Variants in TMPRSS15 observed in about 807,000 individuals in gnomAD.
TMPRSS15 encodes the protein enteropeptidase.
TMPRSS15 carries 128 observed loss-of-function variants against 125.3 expected under a neutral mutation model. The observed-to-expected ratio is 1.02, with a 90% CI of 0.89 to 1.18. The LOEUF (loss-of-function observed/expected upper bound fraction) is 1.18. Among genes scored for constraint, TMPRSS15 ranks in the 50% most tolerant of loss-of-function variants. TMPRSS15 has a pLI of 0.00. For missense variants in TMPRSS15, 1,283 were observed against 1,212.7 expected (o/e 1.06, Z -0.86); for synonymous variants, 446 against 423.2 (o/e 1.05, Z -0.66).
At chr21:18,337,129 A>T (rs2146977793) in intron 13 of TMPRSS15, among the ~76,000 whole-genome samples, 1 of 152,324 alleles carries the variant, frequency 6.6e-6, no homozygotes, top group African/African-American at 2.4e-5. Flanking sequence ...ATTGGCCTCA[A>T]GTGACCTGCC....
At chr21:18,467,855 A>G (rs4816775) in intron 1 of TMPRSS15, among the ~76,000 whole-genome samples, 76,193 of 151,868 alleles carry the variant, frequency 0.5, 19,879 homozygotes, top group East Asian at 0.91. Context: ...GTGAAAATAA[A>G]CGGGAGATTA....
chr21:18,397,444 G>C, intron 3 of TMPRSS15, among the ~76,000 whole-genome samples: 1 of 152,112 alleles, frequency 6.6e-6, no homozygotes, highest in East Asian at 1.9e-4. Context: ...AGATTCGTTA[G>C]TTTATTGAGC....
chr21:18,314,895 T>G (rs1359215371), intron 17 of TMPRSS15, among the ~76,000 whole-genome samples: 3 of 152,106 alleles, frequency 2.0e-5, no homozygotes, highest in African/African-American at 7.2e-5. Flanking sequence ...TATATGGATA[T>G]TTGTTGCTCT....
chr21:18,275,263 T>C lies in TMPRSS15; in HGVS notation c.2838A>G (p.Pro946=). 6.2e-7 allele frequency: 1 copy of C among 1,614,104 alleles called. No individual in the cohort carries two copies. The highest frequency in any genetic ancestry group is 8.5e-7 in the Non-Finnish European group (1 of 1,179,966). The part of the protein sequence containing the change: ...LSNERCQQQM[P]EYNITENMIC... ...TCATATTTTCAGTAATGTTATATTC[T>C]GGCATCTGCTGTTGGCATCTCTCAT... is the stretch of plus-strand genomic sequence containing the variant. The change falls in exon 24 of 25, where the codon CCA becomes CCG. Residue 946 remains proline (P), a synonymous_variant. Coordinates refer to ENST00000284885, the MANE Select transcript of TMPRSS15 (RefSeq NM_002772.3).
At chr21:18,352,879 A>G in intron 10 of TMPRSS15, 24 bp downstream of exon 10, 5 of 1,609,612 alleles carry the variant, frequency 3.1e-6, no homozygotes, top group Non-Finnish European at 2.5e-6. Context: ...AATCCTTTTG[A>G]CTTCTGAATT....
At chr21:18,291,501 T>C (rs7281938) in intron 21 of TMPRSS15, among the ~76,000 whole-genome samples, 139,505 of 152,054 alleles carry the variant, frequency 0.92, 64,118 homozygotes, top group East Asian at 1. Flanking sequence ...CAGGTTAAAA[T>C]ACCTGGAACA....
At chr21:18,404,437 A>C (rs1382095394), upstream of TMPRSS15, among the ~76,000 whole-genome samples, 1 of 152,184 alleles carries the variant, frequency 6.6e-6, no homozygotes, top group Non-Finnish European at 1.5e-5. Flanking sequence ...CCTGGACTTT[A>C]TCTCTTTAAA....
intron 18 of TMPRSS15, among the ~76,000 whole-genome samples, chr21:18,312,442 G>T (rs372800483): frequency 2.0e-5 from 3 of 150,406 alleles, no homozygotes; most frequent in Admixed American, 6.6e-5. Context: ...ATACTGTAGC[G>T]GGAGAGGTTA....
chr21:18,434,842 T>G (rs967322233), intron 1 of TMPRSS15, among the ~76,000 whole-genome samples: 20 of 152,276 alleles, frequency 1.3e-4, no homozygotes, highest in African/African-American at 4.8e-4. Flanking sequence ...AAATTAAACA[T>G]CATGCATAAG....
In TMPRSS15 at chr21:18,418,046, T is replaced by A. The variant is rs371484481; in HGVS notation, c.11-19717A>T. Among the ~76,000 whole-genome samples the A allele has an allele frequency of 9.9e-4, 151 of 152,338 alleles. 1 individual carries two copies. Among genetic ancestry groups the A allele is most frequent in the African/African-American group, 3.4e-3 (140 of 41,580 alleles). On this transcript the variant is annotated intron_variant, in intron 1 of 7. Transcript: ENST00000422787. ...AATTTAAGAAAAGCAATCACTTGGA[T>A]CCTGGTCTCTTTCTTCAGCTAAAAG...
At chr21:18,294,550 T>G in intron 20 of TMPRSS15, 53 bp downstream of exon 20, 1 of 1,597,280 alleles carries the variant, frequency 6.3e-7, no homozygotes, top group South Asian at 1.1e-5. Context: ...AAAACTCTAT[T>G]CAGAATTTTA....
chr21:18,410,272 T>C (rs899302353), intron 1 of TMPRSS15, among the ~76,000 whole-genome samples: 1 of 152,042 alleles, frequency 6.6e-6, no homozygotes, highest in Non-Finnish European at 1.5e-5. Flanking sequence ...TCCTTTGTAC[T>C]AATGTGAGGT....
intron 1 of TMPRSS15, among the ~76,000 whole-genome samples, chr21:18,472,608 G>A (rs1978803951): frequency 1.3e-5 from 2 of 151,856 alleles, no homozygotes; most frequent in Admixed American, 6.6e-5. Context: ...ACTGCTTGAT[G>A]AGTCTAAATT....
chr21:18,378,380 A>T (rs544885379), intron 5 of TMPRSS15, among the ~76,000 whole-genome samples: 1 of 152,236 alleles, frequency 6.6e-6, no homozygotes, highest in East Asian at 1.9e-4. Flanking sequence ...AACTGCAGAA[A>T]GGCTTATTCT....
rs548739916 is a variant in TMPRSS15, at chr21:18,332,640, T to C, written c.1565-467A>G. On this transcript the variant is annotated intron_variant, in intron 13 of 24. Transcript: ENST00000284885. ...GGAAAAAATGAACACTTATAGACTG[T>C]TGGTGGGAATGTAAATTAGTTAAAC... is the stretch of plus-strand genomic sequence containing the variant. 9.2e-5 allele frequency among the ~76,000 whole-genome samples: 14 copies of C among 152,242 alleles called. No homozygotes were observed. In the South Asian group the frequency reaches 2.7e-3, roughly 29 times the overall value.
intron 10 of TMPRSS15, among the ~76,000 whole-genome samples, chr21:18,351,202 C>A (rs982740056): frequency 6.6e-6 from 1 of 152,024 alleles, no homozygotes; most frequent in Non-Finnish European, 1.5e-5. Context: ...GTCATTAATA[C>A]CAAATTGCAA....
chr21:18,308,753 A>C (rs2075063772), intron 18 of TMPRSS15, among the ~76,000 whole-genome samples: 1 of 151,902 alleles, frequency 6.6e-6, no homozygotes, highest in Non-Finnish European at 1.5e-5. Context: ...TCCCCCACCC[A>C]CTGACAGGCC....
intron 13 of TMPRSS15, among the ~76,000 whole-genome samples, chr21:18,335,506 T>G (rs2075383246): frequency 6.6e-6 from 1 of 152,218 alleles, no homozygotes; most frequent in African/African-American, 2.4e-5. Flanking sequence ...GTGTAATAGT[T>G]AAGCCTGTCA....
At chr21:18,327,565 C>G (rs1447281356) in intron 15 of TMPRSS15, among the ~76,000 whole-genome samples, 1 of 152,042 alleles carries the variant, frequency 6.6e-6, no homozygotes, top group Admixed American at 6.5e-5. Context: ...GTTGGGGAAC[C>G]CTCCCCACCA....
Sources: allele counts gnomAD v4.1 joint callset (sites outside exome capture counted in the v4.1 genomes callset), GRCh38; gene constraint gnomAD v4.1.1; transcripts MANE v1.5; gene names NCBI Gene and HGNC (gene_info 2026-07-23, HGNC 2026-07-21).